ABCB1: variants seen among roughly 807,000 people sequenced by gnomAD.
ABCB1 encodes the protein ATP binding cassette subfamily B member 1.
ABCB1 carries 69 observed loss-of-function variants against 142.0 expected under a neutral mutation model. The ratio of observed to expected loss-of-function variants is 0.49; its 90% confidence interval spans 0.40 to 0.59. The LOEUF (loss-of-function observed/expected upper bound fraction) is 0.59. ABCB1 is among the 20% of genes least tolerant of loss of function. ABCB1 has a pLI of 0.00. For synonymous variants in ABCB1, 532 were observed against 539.2 expected, an observed-to-expected ratio of 0.99 and a Z score of 0.18; for missense variants, 1,326 against 1,554.7, an observed-to-expected ratio of 0.85 and a Z score of 2.47.
intron 1 of ABCB1, among the ~76,000 whole-genome samples, chr7:87,698,175 C>T (rs1828668426): frequency 6.6e-6 from 1 of 152,196 alleles, no homozygotes; most frequent in Non-Finnish European, 1.5e-5. Context: ...TCTCGGCTCA[C>T]TGCAAGCTCC....
chr7:87,618,445 A>G (rs1820107367), intron 1 of ABCB1, among the ~76,000 whole-genome samples: 1 of 152,214 alleles, frequency 6.6e-6, no homozygotes, highest in African/African-American at 2.4e-5. Flanking sequence ...CTTGGAGACT[A>G]CCAGGAGGTT....
intron 8 of ABCB1, among the ~76,000 whole-genome samples, chr7:87,554,599 G>A (rs1036992127): frequency 2.6e-5 from 4 of 152,138 alleles, no homozygotes; most frequent in African/African-American, 9.7e-5. Flanking sequence ...GTTTATAAAA[G>A]CACATCATTA....
intron 13 of ABCB1, 65 bp from the exon 14 acceptor site, chr7:87,549,583 G>A: frequency 6.2e-7 from 1 of 1,610,606 alleles, no homozygotes; most frequent in Non-Finnish European, 8.5e-7. Flanking sequence ...ATTTTAAATT[G>A]GTAAGGAATC....
intron 1 of ABCB1, among the ~76,000 whole-genome samples, chr7:87,671,370 A>G (rs910019756): frequency 1.3e-5 from 2 of 152,118 alleles, no homozygotes; most frequent in Non-Finnish European, 2.9e-5. Context: ...CCAAGTTGCT[A>G]CTTGCTCGGT....
chr7:87,608,286 G>T (rs1468929891), intron 1 of ABCB1, among the ~76,000 whole-genome samples: 1 of 152,134 alleles, frequency 6.6e-6, no homozygotes, highest in African/African-American at 2.4e-5. Context: ...TGAGTGTAAA[G>T]CAATCAGCTT....
chr7:87,639,065 T>C (rs1822153216), intron 1 of ABCB1, among the ~76,000 whole-genome samples: 1 of 140,976 alleles, frequency 7.1e-6, no homozygotes, highest in Non-Finnish European at 1.5e-5. Flanking sequence ...GGCAGGAGAA[T>C]GGTGTAAACC....
intron 4 of ABCB1, among the ~76,000 whole-genome samples, chr7:87,574,334 C>T (rs1055992193): frequency 1.1e-4 from 17 of 152,084 alleles, no homozygotes; most frequent in African/African-American, 3.9e-4. Flanking sequence ...ACTATGTTGG[C>T]CTCCAAGACA....
intron 1 of ABCB1, chr7:87,659,108 C>T (rs556791450): frequency 1.2e-4 from 36 of 296,022 alleles, no homozygotes; most frequent in African/African-American, 4.8e-4. Context: ...GAGCTGTGAT[C>T]GTGCCATCAT....
chr7:87,594,765 A>G (rs1819127413), intron 3 of ABCB1, among the ~76,000 whole-genome samples: 1 of 152,180 alleles, frequency 6.6e-6, no homozygotes, highest in African/African-American at 2.4e-5. Context: ...AAGATCACAT[A>G]AGGGAACCAT....
intron 3 of ABCB1, 134 bp downstream of exon 3, chr7:87,595,632 C>A (rs2214103): frequency 2.8e-6 from 2 of 713,084 alleles, no homozygotes; most frequent in Admixed American, 4.9e-5. Flanking sequence ...TAAGCTAAAT[C>A]AAACCAATTT....
intron 1 of ABCB1, among the ~76,000 whole-genome samples, chr7:87,640,714 C>T (rs1194486174): frequency 1.3e-5 from 2 of 152,110 alleles, no homozygotes; most frequent in East Asian, 1.9e-4. Flanking sequence ...CATATTCTTT[C>T]CCATGGTTTC....
At chr7:87,593,288 C>T (rs1049977705) in intron 3 of ABCB1, among the ~76,000 whole-genome samples, 2 of 152,160 alleles carry the variant, frequency 1.3e-5, no homozygotes, top group African/African-American at 4.8e-5. Flanking sequence ...CTCTATGTGT[C>T]ACATTTCCTC....
At chr7:87,686,995 A>G (rs2130622902) in intron 1 of ABCB1, among the ~76,000 whole-genome samples, 1 of 152,078 alleles carries the variant, frequency 6.6e-6, no homozygotes, top group East Asian at 1.9e-4. Flanking sequence ...AGTATACCAG[A>G]CAAGTATAGA....
Position 87,642,348 on chromosome 7 carries a change from G to A in ABCB1, c.-330-41270C>T, listed in dbSNP as rs148520265. 1.7e-3 allele frequency among the ~76,000 whole-genome samples: 258 copies of A among 152,006 alleles called. 6 individuals carry two copies. The highest frequency in any genetic ancestry group is 0.014 in the Admixed American group (217 of 15,282). The stretch of plus-strand genomic sequence containing the variant: ...ATGGTTTTTTTCTGTTCTTCACGTT[G>A]TTCTATTGCTGCTTTTAATGTCTAG... On this transcript the variant is annotated intron_variant, in intron 1 of 28. Coordinates refer to the ABCB1 transcript ENST00000265724.
At chr7:87,665,256 A>G (rs1825109227) in intron 1 of ABCB1, among the ~76,000 whole-genome samples, 1 of 152,200 alleles carries the variant, frequency 6.6e-6, no homozygotes, top group African/African-American at 2.4e-5. Context: ...ATGATACAAA[A>G]TCAACATACA....
intron 21 of ABCB1, among the ~76,000 whole-genome samples, chr7:87,523,756 A>G (rs1160536674): frequency 6.6e-6 from 1 of 152,190 alleles, no homozygotes; most frequent in African/African-American, 2.4e-5. Flanking sequence ...AAAGAACACC[A>G]GTGTACAAGA....
chr7:87,595,407 C>G (rs1819158487), intron 3 of ABCB1, among the ~76,000 whole-genome samples: 1 of 152,016 alleles, frequency 6.6e-6, no homozygotes, highest in African/African-American at 2.4e-5. Context: ...TTATTGATAG[C>G]AACTGACTTT....
intron 1 of ABCB1, among the ~76,000 whole-genome samples, chr7:87,667,545 G>T (rs1825387312): frequency 6.6e-6 from 1 of 152,010 alleles, no homozygotes; most frequent in Non-Finnish European, 1.5e-5. Flanking sequence ...GTAGTGGTGA[G>T]AGAGGGCATC....
chr7:87,678,002 A>G (rs1398103273), intron 1 of ABCB1, among the ~76,000 whole-genome samples: 10 of 152,250 alleles, frequency 6.6e-5, no homozygotes, highest in Admixed American at 6.5e-4. Flanking sequence ...AAGGAAAACT[A>G]AGAATTATTA....
Sources: allele counts gnomAD v4.1 joint callset (sites outside exome capture counted in the v4.1 genomes callset), GRCh38; gene constraint gnomAD v4.1.1; transcripts MANE v1.5; gene names NCBI Gene and HGNC (gene_info 2026-07-23, HGNC 2026-07-21).